Variants in NAF1 observed in about 807,000 individuals in gnomAD.
NAF1 encodes the protein H/ACA ribonucleoprotein complex non-core subunit NAF1.
Under a neutral mutation model 40.6 loss-of-function variants are expected in NAF1, and 11 were observed. That is an observed-to-expected ratio of 0.27 (90% CI 0.17 to 0.45). The LOEUF (loss-of-function observed/expected upper bound fraction) is 0.45, where lower values mean the gene tolerates loss of function less well. Ranked by LOEUF, NAF1 falls within the 20% of genes least tolerant of loss-of-function variation. The pLI is 1.00. For synonymous variants in NAF1, 260 were observed against 228.5 expected, an observed-to-expected ratio of 1.14 and a Z score of -1.24; for missense variants, 607 against 611.1, an observed-to-expected ratio of 0.99 and a Z score of 0.07.
downstream of NAF1, among the ~76,000 whole-genome samples, chr4:163,107,509 G>C (rs1445325076): frequency 6.6e-6 from 1 of 152,146 alleles, no homozygotes; most frequent in South Asian, 2.1e-4. Flanking sequence ...AGATCGTCTT[G>C]TAGGAATGAC....
downstream of NAF1, among the ~76,000 whole-genome samples, chr4:163,106,766 A>C (rs1020858962): frequency 2.0e-4 from 31 of 152,302 alleles, no homozygotes; most frequent in African/African-American, 7.5e-4. Flanking sequence ...TAGAAAAAAA[A>C]CCTGAGTGTT....
chr4:163,161,854 ATTACACCC>A (rs1199442950), intron 2 of NAF1, among the ~76,000 whole-genome samples: 2 of 152,070 alleles, frequency 1.3e-5, no homozygotes, highest in East Asian at 3.9e-4. Flanking sequence ...TAGGGCTGAT[ATTACACCC>A]AACATCCCAC....
At chr4:163,108,643 T>C (rs79837071), downstream of NAF1, 7 of 152,380 alleles carry the variant, frequency 4.6e-5, no homozygotes, top group Non-Finnish European at 1.0e-4. Context: ...GCTTCACTGA[T>C]ATTTTCTTCC....
intron 2 of NAF1, among the ~76,000 whole-genome samples, chr4:163,159,988 AC>A (rs771592847): frequency 9.6e-4 from 146 of 152,292 alleles, no homozygotes; most frequent in Admixed American, 1.7e-3. Flanking sequence ...TATTTTTATG[AC>A]CCTACATTTT....
chr4:163,163,716 C>G (rs1401533623), intron 2 of NAF1, among the ~76,000 whole-genome samples: 2 of 152,018 alleles, frequency 1.3e-5, no homozygotes, highest in East Asian at 1.9e-4. Context: ...AATAAAAACA[C>G]TCCAAAAACT....
At chr4:163,161,298 C>T (rs1385706926) in intron 2 of NAF1, among the ~76,000 whole-genome samples, 1 of 152,084 alleles carries the variant, frequency 6.6e-6, no homozygotes, top group African/African-American at 2.4e-5. Flanking sequence ...CATGGCAAAA[C>T]CCTGTCTCTA....
downstream of NAF1, chr4:163,126,961 GT>G (rs1231305442): frequency 1.3e-6 from 2 of 1,545,368 alleles, no homozygotes; most frequent in Non-Finnish European, 1.7e-6. Flanking sequence ...ATGCACATTG[GT>G]TTTTTTAGAC....
chr4:163,110,876 A>C (rs1730140318), intron 2 of NAF1, among the ~76,000 whole-genome samples: 1 of 152,120 alleles, frequency 6.6e-6, no homozygotes. Context: ...ATATTTTTTA[A>C]AAATGGATTA....
intron 7 of NAF1, among the ~76,000 whole-genome samples, chr4:163,130,163 C>T (rs1730814866): frequency 6.6e-6 from 1 of 152,056 alleles, no homozygotes; most frequent in Non-Finnish European, 1.5e-5. Flanking sequence ...GATCCATGGT[C>T]TTGTAATATA....
intron 6 of NAF1, among the ~76,000 whole-genome samples, chr4:163,134,026 A>C (rs1012613015): frequency 6.6e-6 from 1 of 152,196 alleles, no homozygotes; most frequent in African/African-American, 2.4e-5. Context: ...TCCAACTCCT[A>C]AGAGGAAATT....
At chr4:163,119,826 G>A (rs548186583) in intron 2 of NAF1, 32 of 152,322 alleles carry the variant, frequency 2.1e-4, no homozygotes, top group African/African-American at 7.5e-4. Context: ...ACAGCAATTT[G>A]ATATAGTTTA....
intron 2 of NAF1, among the ~76,000 whole-genome samples, chr4:163,160,182 T>C (rs1357616978): frequency 2.0e-5 from 3 of 152,178 alleles, no homozygotes; most frequent in African/African-American, 7.2e-5. Context: ...ATATAAACCT[T>C]CTGAGCATTA....
chr4:163,166,233 G>A, intron 1 of NAF1, 130 bp downstream of exon 1: 2 of 1,178,880 alleles, frequency 1.7e-6, no homozygotes, highest in Non-Finnish European at 2.3e-6. Flanking sequence ...CAACACGTGA[G>A]CCCGGAGCAC....
intron 2 of NAF1, among the ~76,000 whole-genome samples, chr4:163,160,346 T>TAAA (rs1732166545): frequency 6.6e-6 from 1 of 152,032 alleles, no homozygotes; most frequent in Non-Finnish European, 1.5e-5. Flanking sequence ...ACCCTCACAT[T>TAAA]AAAAAACAAA....
chr4:163,115,164 A>G (rs999304704), intron 2 of NAF1, among the ~76,000 whole-genome samples: 10 of 151,322 alleles, frequency 6.6e-5, no homozygotes, highest in African/African-American at 2.4e-4. Flanking sequence ...GTTATTCTCA[A>G]TAAAGTTTGA....
At position 163,152,905 on chromosome 4, in the gene NAF1, G is replaced by A. The variant is rs755362943; in HGVS notation, c.541-4471C>T. On this transcript the variant is annotated intron_variant, in intron 2 of 7. Coordinates refer to ENST00000274054, the MANE Select transcript of NAF1 (RefSeq NM_138386.3). The stretch of plus-strand genomic sequence containing the variant: ...GCGCTTGCGGGCCAGCTGGAGTTCC[G>A]GGTGGGCATGGGCTTGGAGGGCCCC... Among the ~76,000 whole-genome samples the A allele has an allele frequency of 7.2e-5, 11 of 152,322 alleles. 1 individual carries two copies. In the East Asian group the frequency reaches 1.2e-3, roughly 16 times the overall value.
the NAF1 span, among the ~76,000 whole-genome samples, chr4:163,103,986 G>C: frequency 5.7e-3 from 862 of 152,192 alleles, 1 homozygote; most frequent in Middle Eastern, 0.02. Flanking sequence ...TCCAAAAAGA[G>C]AGTCAGAGAA....
At chr4:163,155,116 C>A (rs541822252) in intron 2 of NAF1, among the ~76,000 whole-genome samples, 3 of 152,286 alleles carry the variant, frequency 2.0e-5, no homozygotes, top group African/African-American at 7.2e-5. Context: ...TGTATGAATG[C>A]CAAATGTCAC....
intron 1 of NAF1, among the ~76,000 whole-genome samples, 185 bp from the exon 2 acceptor site, chr4:163,164,576 C>G (rs565613105): frequency 6.8e-6 from 1 of 147,728 alleles, no homozygotes; most frequent in East Asian, 2.1e-4. Context: ...TGTTCTAATT[C>G]AAAACTAGCA....
Sources: allele counts gnomAD v4.1 joint callset (sites outside exome capture counted in the v4.1 genomes callset), GRCh38; gene constraint gnomAD v4.1.1; transcripts MANE v1.5; gene names NCBI Gene and HGNC (gene_info 2026-07-23, HGNC 2026-07-21).